Variants in SMCHD1 observed in about 807,000 individuals in gnomAD.
SMCHD1 encodes structural maintenance of chromosomes flexible hinge domain containing 1, also known as structural maintenance of chromosomes flexible hinge domain-containing protein 1.
Under a neutral mutation model 254.7 loss-of-function variants are expected in SMCHD1, and 78 were observed. The observed-to-expected ratio is 0.31, with a 90% CI of 0.26 to 0.37. The LOEUF (loss-of-function observed/expected upper bound fraction) is 0.37, where lower values mean the gene tolerates loss of function less well. Among genes scored for constraint, SMCHD1 ranks in the 10% least tolerant of loss-of-function variants. SMCHD1 has a pLI of 1.00. For missense variants in SMCHD1, 1,840 were observed against 2,408.1 expected (o/e 0.76, Z 4.94); for synonymous variants, 766 against 794.9 (o/e 0.96, Z 0.61).
rs541556094 is a variant in SMCHD1, at chr18:2,801,424, T to C, written c.5994-1104T>C. ...TGTATTCTGGACTGCGACTTTCTCC[T>C]CTTTGCATCCTGATTATATTCATGA... On this transcript the variant is annotated intron_variant, in intron 47 of 47. Transcript: ENST00000320876. 2.6e-5 allele frequency among the ~76,000 whole-genome samples: 4 copies of C among 152,296 alleles called. No individual in the cohort carries two copies. In the East Asian group the frequency reaches 7.7e-4, roughly 29 times the overall value.
intron 5 of SMCHD1, among the ~76,000 whole-genome samples, chr18:2,679,498 A>AAAAAAAAAAAAAAAAAAACAC (rs2073874661): frequency 6.7e-6 from 1 of 148,208 alleles, no homozygotes; most frequent in Non-Finnish European, 1.5e-5. Flanking sequence ...AAAAAAAAAA[A>AAAAAAAAAAAAAAAAAAACAC]AGGAACTCTT....
rs759016641 is a variant in SMCHD1 at position 2,802,598 on chromosome 18, G to C, written c.*46G>C. 89 of 1,513,104 alleles carry C rather than the reference G, an allele frequency of 5.9e-5. 1 individual carries two copies. In the South Asian group the frequency reaches 1.1e-3, roughly 19 times the overall value. The allele number at this position is 1,513,104 out of a possible 1,614,324, so 93.7% of individuals were successfully genotyped here. On this transcript the variant is annotated 3_prime_UTR_variant, in exon 48 of 48. Coordinates refer to ENST00000320876, the MANE Select transcript of SMCHD1 (RefSeq NM_015295.3). ...CCATTGGTCTCAGTAAGAATGCCCT[G>C]CTTTCTGCATCTCTGTTTCAGAAGA...
rs180972856 is a variant in SMCHD1, at chr18:2,725,317, C to G, written c.2700+322C>G. ...GGACTCTGCTGTTTTTTTTTTTTCT[C>G]TCTCCTACTGTTTCTGTCCACTTTT... is the stretch of plus-strand genomic sequence containing the variant. On this transcript the variant is annotated intron_variant, in intron 21 of 47. Transcript: ENST00000320876. Among the ~76,000 whole-genome samples, 419 of 146,208 alleles carry G rather than the reference C, an allele frequency of 2.9e-3. 1 individual carries two copies. The highest frequency in any genetic ancestry group is 9.9e-3 in the African/African-American group (396 of 39,914).
rs117771893 is a variant in SMCHD1, at chr18:2,700,615, A to G, written c.1419A>G (p.Glu473=). The G allele has an allele frequency of 4.6e-3, 7,365 of 1,611,754 alleles. 30 individuals carry two copies. Among genetic ancestry groups the G allele is most frequent in the Non-Finnish European group, 4.9e-3 (5,819 of 1,178,652 alleles). The change falls in exon 11 of 48, where the codon GAA becomes GAG. Residue 473 remains glutamate, a synonymous_variant. Transcript: ENST00000320876. ...CTAGAGGGAAAAGGCCTATTTTTGA[A>G]TGTTTTTGGAATGGACGATTAATAC... ...KAARGKRPIF[E]CFWNGRLIPY... is the part of the protein sequence containing the mutation.
chr18:2,709,232 G>GTGTGTATA (rs3037640), intron 17 of SMCHD1, among the ~76,000 whole-genome samples: 6 of 79,700 alleles, frequency 7.5e-5, no homozygotes, highest in South Asian at 3.8e-4. Context: ...GTGTATATGT[G>GTGTGTATA]TATATATATA....
chr18:2,798,793 T>C (rs2076307033), intron 47 of SMCHD1, among the ~76,000 whole-genome samples: 1 of 152,208 alleles, frequency 6.6e-6, no homozygotes, highest in Non-Finnish European at 1.5e-5. Context: ...AAGAAGTATT[T>C]TATGAACAGT....
chr18:2,739,631 A>G lies in SMCHD1; in HGVS notation c.3514+111A>G, dbSNP rs2075311282. On this transcript the variant is annotated intron_variant, in intron 27 of 47. Coordinates refer to ENST00000320876, the MANE Select transcript of SMCHD1 (RefSeq NM_015295.3). Reference sequence around the variant, plus strand: ...AAAGGAAAGCTTTTGGGTTCATATAATGTTACTGATATAAAATCTATTGTC... The same window carrying G: ...AAAGGAAAGCTTTTGGGTTCATATAGTGTTACTGATATAAAATCTATTGTC... 14 of 713,872 alleles carry G rather than the reference A, an allele frequency of 2.0e-5. No individual in the cohort carries two copies. In the South Asian group the frequency reaches 2.7e-4, roughly 14 times the overall value. The allele number at this position is 713,872 out of a possible 1,614,324, so 44.2% of individuals were successfully genotyped here. A position where few individuals can be genotyped will look rare whatever the true frequency, so the allele number is the denominator to read the frequency against.
chr18:2,709,232 G>GTGTATATATATATA (rs3037640), intron 17 of SMCHD1, among the ~76,000 whole-genome samples: 2 of 79,702 alleles, frequency 2.5e-5, no homozygotes, highest in African/African-American at 6.9e-5. Context: ...GTGTATATGT[G>GTGTATATATATATA]TATATATATA....
intron 28 of SMCHD1, 89 bp downstream of exon 28, chr18:2,740,910 A>G (rs573701650): frequency 2.7e-6 from 2 of 732,856 alleles, no homozygotes; most frequent in Non-Finnish European, 4.4e-6. Flanking sequence ...ATAAGAAAAA[A>G]GTTTGATTTT....
At chr18:2,741,107 GTATATAGAT>G (rs1568282244) in intron 28 of SMCHD1, among the ~76,000 whole-genome samples, 1 of 152,084 alleles carries the variant, frequency 6.6e-6, no homozygotes, top group Admixed American at 6.6e-5. Flanking sequence ...AAAGATTGTG[GTATATAGAT>G]TTTTTTGATA....
chr18:2,796,318 C>T, intron 46 of SMCHD1, 89 bp from the exon 47 acceptor site: 2 of 921,620 alleles, frequency 2.2e-6, no homozygotes, highest in East Asian at 5.4e-5. Flanking sequence ...AATTCTTTTT[C>T]TATAAATTAT....
intron 45 of SMCHD1, among the ~76,000 whole-genome samples, chr18:2,791,289 C>T (rs1324542772): frequency 1.3e-5 from 2 of 152,038 alleles, no homozygotes; most frequent in Non-Finnish European, 2.9e-5. Context: ...TCAAACAAAC[C>T]AAAGAAAAAA....
intron 31 of SMCHD1, 103 bp from the exon 32 acceptor site, chr18:2,750,247 G>T: frequency 7.1e-7 from 1 of 1,405,480 alleles, no homozygotes; most frequent in Admixed American, 2.4e-5. Flanking sequence ...CTGAATAGAA[G>T]TTGAGAGGTT....
At chr18:2,739,648 T>C (rs2075311603) in intron 27 of SMCHD1, 128 bp downstream of exon 27, 1 of 641,388 alleles carries the variant, frequency 1.6e-6, no homozygotes. Context: ...TGATATAAAA[T>C]CTATTGTCAG....
chr18:2,722,359 C>T lies in SMCHD1; in HGVS notation c.2459-160C>T, dbSNP rs193208443. 3.9e-5 allele frequency among the ~76,000 whole-genome samples: 6 copies of T among 152,250 alleles called. No homozygotes were observed. In the East Asian group the frequency reaches 1.2e-3, roughly 29 times the overall value. On this transcript the variant is annotated intron_variant, in intron 19 of 47. Coordinates refer to ENST00000320876, the MANE Select transcript of SMCHD1 (RefSeq NM_015295.3). ...AGGTTTTTCCCAAGTGGATTGTCTGCATAACATATAATTTTTGCGCTGATT... is the reference window on the plus strand; with the variant it reads ...AGGTTTTTCCCAAGTGGATTGTCTGTATAACATATAATTTTTGCGCTGATT...
intron 29 of SMCHD1, among the ~76,000 whole-genome samples, chr18:2,745,657 T>A (rs2075440304): frequency 6.6e-6 from 1 of 152,218 alleles, no homozygotes; most frequent in African/African-American, 2.4e-5. Flanking sequence ...GGAACAGTTG[T>A]GTGGAACAGT....
rs1425222521 is a variant in SMCHD1, at chr18:2,694,532, T to C, written c.879T>C (p.Ser293=). Residue 293 remains serine, a synonymous_variant, in exon 8 of 48, where the codon TCT becomes TCC. Transcript: ENST00000320876. ...YSGYIRNRKP[S]DSVHITNDDE... ...ATTTCTGTTCACTCTTGTAGCCCTC[T>C]GATTCTGTTCACATTACAAATGATG... 1.3e-6 allele frequency: 2 copies of C among 1,579,940 alleles called. No individual in the cohort carries two copies. Among genetic ancestry groups the C allele is most frequent in the African/African-American group, 2.7e-5 (2 of 74,332 alleles).
intron 45 of SMCHD1, among the ~76,000 whole-genome samples, chr18:2,791,960 G>C (rs2076174430): frequency 6.6e-6 from 1 of 152,150 alleles, no homozygotes; most frequent in South Asian, 2.1e-4. Context: ...ACAGTAGTCA[G>C]AACTCTTAGT....
intron 42 of SMCHD1, among the ~76,000 whole-genome samples, chr18:2,776,167 A>G (rs1189711269): frequency 1.3e-5 from 2 of 152,244 alleles, no homozygotes; most frequent in Admixed American, 6.5e-5. Context: ...CATTACATGT[A>G]TATGTAACGT....
Sources: gnomAD v4.1 joint callset for allele counts (sites outside exome capture counted in the v4.1 genomes callset) on GRCh38, gnomAD v4.1.1 for gene constraint, MANE v1.5 for transcripts, NCBI Gene and HGNC (gene_info 2026-07-23, HGNC 2026-07-21) for gene names.